Variants in MGAT4C observed in about 807,000 individuals in gnomAD.
MGAT4C encodes the protein MGAT4 family member C, also known as alpha-1,3-mannosyl-glycoprotein 4-beta-N-acetylglucosaminyltransferase C.
In MGAT4C, 19 loss-of-function variants were observed where a neutral mutation model predicts 40.1. That is an observed-to-expected ratio of 0.47 (90% confidence interval 0.33 to 0.70). MGAT4C has a LOEUF of 0.70. MGAT4C is among the 30% of genes least tolerant of loss of function. The probability of loss-of-function intolerance (pLI) is 0.02; values close to 1 mark genes in which losing one functional copy is unlikely to be tolerated. For synonymous variants in MGAT4C, 181 were observed against 187.1 expected, an observed-to-expected ratio of 0.97 and a Z score of 0.27; for missense variants, 491 against 563.2, an observed-to-expected ratio of 0.87 and a Z score of 1.30.
chr12:86,174,277 A>AT (rs1319758721), intron 1 of MGAT4C, among the ~76,000 whole-genome samples: 5 of 151,862 alleles, frequency 3.3e-5, no homozygotes, highest in Admixed American at 3.3e-4. Context: ...TCTTTTTCCT[A>AT]TTTTTTTGCA....
At chr12:86,329,107 A>G (rs981435581) in intron 4 of MGAT4C, among the ~76,000 whole-genome samples, 2 of 123,536 alleles carry the variant, frequency 1.6e-5, no homozygotes, top group Non-Finnish European at 3.1e-5. Context: ...CATTTCAATA[A>G]ATAAATAAAT....
intron 2 of MGAT4C, among the ~76,000 whole-genome samples, chr12:86,622,535 C>T (rs1258725735): frequency 6.6e-6 from 1 of 152,078 alleles, no homozygotes; most frequent in Admixed American, 6.6e-5. Flanking sequence ...CCAGGTAAAA[C>T]ACTAACAAAT....
intron 2 of MGAT4C, among the ~76,000 whole-genome samples, chr12:86,527,703 T>C (rs373629660): frequency 1.8e-4 from 27 of 152,354 alleles, no homozygotes; most frequent in African/African-American, 5.8e-4. Context: ...CTTATACATA[T>C]CTTCCACTTC....
chr12:86,709,278 T>C (rs948980851), intron 2 of MGAT4C, among the ~76,000 whole-genome samples: 9 of 152,212 alleles, frequency 5.9e-5, no homozygotes, highest in Non-Finnish European at 1.2e-4. Context: ...CCTTTCACCA[T>C]GATTGTCAGG....
At chr12:86,451,812 A>G (rs1957428751) in intron 2 of MGAT4C, among the ~76,000 whole-genome samples, 1 of 152,104 alleles carries the variant, frequency 6.6e-6, no homozygotes, top group South Asian at 2.1e-4. Flanking sequence ...ATTATTTATT[A>G]TGGTTATCAA....
chr12:86,488,122 G>C (rs1160722236), intron 2 of MGAT4C, among the ~76,000 whole-genome samples: 2 of 152,030 alleles, frequency 1.3e-5, no homozygotes, highest in East Asian at 3.9e-4. Context: ...AGTGGCTCAT[G>C]CTTGTTATCT....
At chr12:86,071,120 A>G (rs1316802551) in intron 1 of MGAT4C, among the ~76,000 whole-genome samples, 1 of 152,114 alleles carries the variant, frequency 6.6e-6, no homozygotes, top group African/African-American at 2.4e-5. Flanking sequence ...AGAGTAGGAC[A>G]CTGCACTCAA....
At chr12:86,490,720 T>A (rs1958115786) in intron 2 of MGAT4C, among the ~76,000 whole-genome samples, 1 of 151,960 alleles carries the variant, frequency 6.6e-6, no homozygotes. Flanking sequence ...GAGGAAGATC[T>A]ACCAAGAAAA....
At chr12:86,435,764 C>T (rs192164136) in intron 2 of MGAT4C, among the ~76,000 whole-genome samples, 237 of 152,014 alleles carry the variant, frequency 1.6e-3, no homozygotes, top group Non-Finnish European at 2.5e-3. Context: ...ACCAGCTCTG[C>T]TGCATTTCTA....
At chr12:86,547,951 T>C in intron 2 of MGAT4C, among the ~76,000 whole-genome samples, 1 of 152,154 alleles carries the variant, frequency 6.6e-6, no homozygotes, top group Non-Finnish European at 1.5e-5. Flanking sequence ...AGATCTCAGT[T>C]CAAATGTCAA....
chr12:86,054,330 A>T (rs1454002311), intron 1 of MGAT4C, among the ~76,000 whole-genome samples: 1 of 152,072 alleles, frequency 6.6e-6, no homozygotes, highest in African/African-American at 2.4e-5. Context: ...AGAGACAGAT[A>T]TCACATGTTC....
chr12:86,098,671 T>C (rs745500309), intron 1 of MGAT4C, among the ~76,000 whole-genome samples: 2 of 151,624 alleles, frequency 1.3e-5, no homozygotes, highest in African/African-American at 2.4e-5. Context: ...ATAACTAACA[T>C]AGATCTTTTA....
chr12:86,115,465 ATAGAC>A (rs1342376797), intron 1 of MGAT4C, among the ~76,000 whole-genome samples: 1 of 152,048 alleles, frequency 6.6e-6, no homozygotes, highest in Non-Finnish European at 1.5e-5. Flanking sequence ...TATTAATAGA[ATAGAC>A]TAGAAGAATA....
intron 2 of MGAT4C, among the ~76,000 whole-genome samples, chr12:86,038,539 G>A (rs1339771660): frequency 9.8e-6 from 1 of 102,024 alleles, no homozygotes; most frequent in African/African-American, 4.2e-5. Context: ...TTCAACCCTT[G>A]CTTTATTTAT....
rs1883252494 is a variant in MGAT4C, at chr12:85,964,333, AT to A, written c.*14955del. 6.6e-6 allele frequency: 1 copy of A among 152,024 alleles called. No individual in the cohort carries two copies. The highest frequency in any genetic ancestry group is 1.5e-5 in the Non-Finnish European group (1 of 67,964). The allele number at this position is 152,024 out of a possible 1,614,324, so 9.4% of individuals were successfully genotyped here. A position where few individuals can be genotyped will look rare whatever the true frequency, so the allele number is the denominator to read the frequency against. ...AAAATGTAAGACAAATGTATAGGATATTTTTCTCTGTTGTTATGCAAGGATT... is the reference window on the plus strand; with the variant it reads ...AAAATGTAAGACAAATGTATAGGATATTTTCTCTGTTGTTATGCAAGGATT... On this transcript the variant is annotated 3_prime_UTR_variant, in exon 5 of 5. Coordinates refer to ENST00000611864, the MANE Select transcript of MGAT4C (RefSeq NM_001351288.2).
At chr12:86,317,503 A>G (rs566456739) in intron 4 of MGAT4C, among the ~76,000 whole-genome samples, 83 of 152,268 alleles carry the variant, frequency 5.5e-4, no homozygotes, top group Non-Finnish European at 7.9e-4. Flanking sequence ...GTGTCAGAAA[A>G]AAATATAAAA....
chr12:86,548,198 C>T (rs1959211023), intron 2 of MGAT4C, among the ~76,000 whole-genome samples: 1 of 152,022 alleles, frequency 6.6e-6, no homozygotes, highest in South Asian at 2.1e-4. Context: ...TAGGAATATG[C>T]ATGGCAAAAA....
chr12:86,460,454 A>G (rs906757970), intron 2 of MGAT4C, among the ~76,000 whole-genome samples: 1 of 152,236 alleles, frequency 6.6e-6, no homozygotes, highest in African/African-American at 2.4e-5. Flanking sequence ...AATTGTTGTA[A>G]GTAAAACATA....
intron 2 of MGAT4C, among the ~76,000 whole-genome samples, chr12:86,506,179 G>C (rs1958469874): frequency 6.6e-6 from 1 of 152,174 alleles, no homozygotes; most frequent in Non-Finnish European, 1.5e-5. Flanking sequence ...TTGCTACGAT[G>C]TGATTAAACG....
Sources: allele counts gnomAD v4.1 joint callset (sites outside exome capture counted in the v4.1 genomes callset), GRCh38; gene constraint gnomAD v4.1.1; transcripts MANE v1.5; gene names NCBI Gene and HGNC (gene_info 2026-07-23, HGNC 2026-07-21).